CACNA2D3: variants seen among roughly 807,000 people sequenced by gnomAD.
The protein encoded by CACNA2D3 is calcium voltage-gated channel auxiliary subunit alpha2delta 3, also known as voltage-dependent calcium channel subunit alpha-2/delta-3.
CACNA2D3 carries 60 observed loss-of-function variants against 160.6 expected under a neutral mutation model. The ratio of observed to expected loss-of-function variants is 0.37; its 90% CI spans 0.30 to 0.46. CACNA2D3 has a LOEUF of 0.46. CACNA2D3 is among the 20% of genes least tolerant of loss of function. The probability of loss-of-function intolerance (pLI) is 1.00; values close to 1 mark genes in which losing one functional copy is unlikely to be tolerated. For synonymous variants in CACNA2D3, 558 were observed against 492.9 expected, an observed-to-expected ratio of 1.13 and a Z score of -1.75; for missense variants, 1,205 against 1,365.0, an observed-to-expected ratio of 0.88 and a Z score of 1.85.
At chr3:54,518,378 A>G (rs1701589475) in intron 5 of CACNA2D3, among the ~76,000 whole-genome samples, 2 of 151,826 alleles carry the variant, frequency 1.3e-5, no homozygotes, top group South Asian at 4.2e-4. Flanking sequence ...AGGAAGTGGG[A>G]GAGAGAGAGA....
intron 9 of CACNA2D3, among the ~76,000 whole-genome samples, chr3:54,618,374 T>TATATATACACACAC: frequency 2.7e-4 from 15 of 54,560 alleles, no homozygotes; most frequent in South Asian, 6.9e-4. Flanking sequence ...TATATATATA[T>TATATATACACACAC]GCACACACAC....
intron 29 of CACNA2D3, among the ~76,000 whole-genome samples, chr3:54,976,136 A>G (rs192755082): frequency 1.3e-5 from 2 of 151,884 alleles, no homozygotes; most frequent in Non-Finnish European, 1.5e-5. Flanking sequence ...AAAGCCTTCC[A>G]TGAGCAGGCA....
chr3:54,409,660 A>C (rs771219081), intron 4 of CACNA2D3, among the ~76,000 whole-genome samples: 2 of 152,238 alleles, frequency 1.3e-5, no homozygotes. Context: ...GAAGGAAATT[A>C]CAAGTGCTAC....
intron 5 of CACNA2D3, among the ~76,000 whole-genome samples, chr3:54,529,134 A>G (rs1701768086): frequency 6.6e-6 from 1 of 152,252 alleles, no homozygotes; most frequent in South Asian, 2.1e-4. Context: ...GGGTGCCACC[A>G]TGATGGTATA....
chr3:54,428,579 TC>T (rs1292926566), intron 4 of CACNA2D3, among the ~76,000 whole-genome samples: 10 of 151,952 alleles, frequency 6.6e-5, no homozygotes, highest in Non-Finnish European at 1.3e-4. Context: ...TTGATATATT[TC>T]TTTTTTTTTT....
chr3:54,346,944 A>G (rs1698470386), intron 3 of CACNA2D3, among the ~76,000 whole-genome samples: 1 of 152,254 alleles, frequency 6.6e-6, no homozygotes, highest in South Asian at 2.1e-4. Context: ...AACCATATTC[A>G]ATTTTTGAGT....
At chr3:55,056,312 T>C (rs1435094917) in intron 35 of CACNA2D3, among the ~76,000 whole-genome samples, 1 of 152,108 alleles carries the variant, frequency 6.6e-6, no homozygotes. Flanking sequence ...ATAACAAGTG[T>C]TGAGAAGGAT....
At chr3:54,283,820 T>C (rs1230210490) in intron 2 of CACNA2D3, among the ~76,000 whole-genome samples, 1 of 152,118 alleles carries the variant, frequency 6.6e-6, no homozygotes, top group Non-Finnish European at 1.5e-5. Context: ...CCCAGCACTT[T>C]GGGAGGCCGA....
At chr3:54,528,832 ATGTG>A (rs1701764441) in intron 5 of CACNA2D3, among the ~76,000 whole-genome samples, 1 of 152,186 alleles carries the variant, frequency 6.6e-6, no homozygotes, top group Admixed American at 6.6e-5. Flanking sequence ...ATAAAGAAAA[ATGTG>A]ACTTACTAAA....
chr3:54,738,604 G>A (rs1394024574), intron 11 of CACNA2D3, among the ~76,000 whole-genome samples: 2 of 152,160 alleles, frequency 1.3e-5, no homozygotes, highest in Non-Finnish European at 2.9e-5. Flanking sequence ...AAAATACATT[G>A]TTCCTCTTGG....
chr3:54,457,190 A>C (rs1215395667), intron 4 of CACNA2D3, among the ~76,000 whole-genome samples: 1 of 151,830 alleles, frequency 6.6e-6, no homozygotes, highest in Non-Finnish European at 1.5e-5. Context: ...TGATGTATGC[A>C]TTTATTGTTA....
At chr3:54,333,338 A>T (rs1250240952) in intron 3 of CACNA2D3, among the ~76,000 whole-genome samples, 2 of 152,042 alleles carry the variant, frequency 1.3e-5, no homozygotes, top group Non-Finnish European at 2.9e-5. Flanking sequence ...TTTTAAGAAT[A>T]CAGGAAGTTG....
chr3:54,998,513 A>G (rs1240523235), intron 31 of CACNA2D3, among the ~76,000 whole-genome samples: 1 of 152,072 alleles, frequency 6.6e-6, no homozygotes, highest in Non-Finnish European at 1.5e-5. Context: ...AGTATCTACA[A>G]TTTTGTTTCT....
chr3:54,355,120 A>G (rs1383327971), intron 3 of CACNA2D3, among the ~76,000 whole-genome samples: 1 of 152,216 alleles, frequency 6.6e-6, no homozygotes, highest in Admixed American at 6.5e-5. Flanking sequence ...TGATTGGGGT[A>G]ACCTCTTTAG....
intron 2 of CACNA2D3, among the ~76,000 whole-genome samples, chr3:54,316,098 C>G (rs900116853): frequency 6.7e-6 from 1 of 149,122 alleles, no homozygotes; most frequent in African/African-American, 2.5e-5. Flanking sequence ...TGTGTGTGCA[C>G]GTGTGTGTGA....
chr3:54,702,676 G>A (rs189871575), intron 11 of CACNA2D3, among the ~76,000 whole-genome samples: 1 of 152,278 alleles, frequency 6.6e-6, no homozygotes, highest in Non-Finnish European at 1.5e-5. Context: ...AAAGCAGTTG[G>A]AGATTTCTCA....
At chr3:54,771,193 G>A (rs989740117) in intron 13 of CACNA2D3, among the ~76,000 whole-genome samples, 1 of 152,176 alleles carries the variant, frequency 6.6e-6, no homozygotes, top group African/African-American at 2.4e-5. Flanking sequence ...ACTAATTGGT[G>A]TGTGAGCAGC....
chr3:54,806,365 C>A (rs1703123314), intron 13 of CACNA2D3, among the ~76,000 whole-genome samples: 1 of 152,116 alleles, frequency 6.6e-6, no homozygotes, highest in Non-Finnish European at 1.5e-5. Context: ...TCTCAGGATA[C>A]AAAATCAATG....
At chr3:54,198,197 C>G (rs1055667512) in intron 2 of CACNA2D3, among the ~76,000 whole-genome samples, 1 of 152,198 alleles carries the variant, frequency 6.6e-6, no homozygotes, top group Non-Finnish European at 1.5e-5. Flanking sequence ...CTTTGTAATA[C>G]CTAAAAGAGC....
Sources: allele counts gnomAD v4.1 joint callset (sites outside exome capture counted in the v4.1 genomes callset), GRCh38; gene constraint gnomAD v4.1.1; transcripts MANE v1.5; gene names NCBI Gene and HGNC (gene_info 2026-07-23, HGNC 2026-07-21).